CSNK1A1: variants seen among roughly 807,000 people sequenced by gnomAD.
CSNK1A1 encodes the protein casein kinase I isoform alpha.
In CSNK1A1, 7 loss-of-function variants were observed where a neutral mutation model predicts 46.1. That is an observed-to-expected ratio of 0.15 (90% CI 0.09 to 0.29). The LOEUF (loss-of-function observed/expected upper bound fraction) is 0.29. Ranked by LOEUF, CSNK1A1 falls within the 10% of genes least tolerant of loss-of-function variation. CSNK1A1 has a pLI of 1.00. For missense variants in CSNK1A1, 96 were observed against 417.1 expected, an observed-to-expected ratio of 0.23 and a Z score of 6.71; for synonymous variants, 137 against 141.5, an observed-to-expected ratio of 0.97 and a Z score of 0.23.
At chr5:149,498,278 T>C (rs1003803035) in intron 9 of CSNK1A1, 9 of 985,250 alleles carry the variant, frequency 9.1e-6, no homozygotes, top group Non-Finnish European at 1.1e-5. Flanking sequence ...AGGTGCATAA[T>C]AGATCTTTGT....
chr5:149,543,452 C>T (rs1299394926), intron 2 of CSNK1A1, among the ~76,000 whole-genome samples: 1 of 151,844 alleles, frequency 6.6e-6, no homozygotes, highest in Admixed American at 6.6e-5. Context: ...AGTTAAAAAG[C>T]ACATTTCTCG....
chr5:149,529,376 G>A (rs547158914), intron 2 of CSNK1A1, among the ~76,000 whole-genome samples: 1 of 152,174 alleles, frequency 6.6e-6, no homozygotes, highest in South Asian at 2.1e-4. Flanking sequence ...TCCTCTAAAC[G>A]CATATCCAAA....
intron 2 of CSNK1A1, among the ~76,000 whole-genome samples, chr5:149,538,699 G>C (rs896615834): frequency 1.3e-5 from 2 of 152,158 alleles, no homozygotes; most frequent in African/African-American, 2.4e-5. Flanking sequence ...AAGGCAGCTG[G>C]ATCACTTGAG....
rs1258998198 is a variant in CSNK1A1 at position 149,551,134 on chromosome 5, C to G, written c.-170G>C. 2 of 583,452 alleles carry G rather than the reference C, an allele frequency of 3.4e-6. No homozygotes were observed. The highest frequency in any genetic ancestry group is 3.8e-5 in the African/African-American group (2 of 52,300). 36.1% of individuals were successfully genotyped at this position (583,452 alleles called of 1,614,324 possible). On this transcript the variant is annotated 5_prime_UTR_variant, in exon 1 of 10. Coordinates refer to ENST00000377843, the MANE Select transcript of CSNK1A1 (RefSeq NM_001892.6). The stretch of plus-strand genomic sequence containing the variant: ...CAGAATCAGCAGAGGGGAACCTGAT[C>G]ACCGCCGCTCAGTCAGGTTTCTTTT...
intron 8 of CSNK1A1, among the ~76,000 whole-genome samples, chr5:149,505,845 T>C (rs998609796): frequency 3.9e-5 from 6 of 152,062 alleles, no homozygotes; most frequent in Non-Finnish European, 7.4e-5. Context: ...TAAGAGTAAA[T>C]ATTCAACTGG....
At chr5:149,523,145 A>C (rs1761624839) in intron 3 of CSNK1A1, among the ~76,000 whole-genome samples, 1 of 150,176 alleles carries the variant, frequency 6.7e-6, no homozygotes, top group Non-Finnish European at 1.5e-5. Context: ...GGTTCATGTG[A>C]TTCTCATGCC....
At chr5:149,542,649 T>C (rs1580861916) in intron 2 of CSNK1A1, among the ~76,000 whole-genome samples, 1 of 7,488 alleles carries the variant, frequency 1.3e-4, no homozygotes, top group Non-Finnish European at 2.1e-4. Context: ...TGTATATATA[T>C]ATATATATAT....
intron 4 of CSNK1A1, among the ~76,000 whole-genome samples, chr5:149,515,237 T>C (rs1761363675): frequency 6.6e-6 from 1 of 152,228 alleles, no homozygotes; most frequent in Non-Finnish European, 1.5e-5. Context: ...ATTGCTTCCT[T>C]TGGTACTTTA....
At chr5:149,532,432 C>G (rs1761932198) in intron 2 of CSNK1A1, among the ~76,000 whole-genome samples, 1 of 151,698 alleles carries the variant, frequency 6.6e-6, no homozygotes, top group Admixed American at 6.6e-5. Flanking sequence ...GTGGCTCACA[C>G]CTGCAATTCT....
Position 149,542,620 on chromosome 5 carries a change from A to ATG in CSNK1A1, c.230+7454_230+7455insCA, listed in dbSNP as rs1762292751. Among the ~76,000 whole-genome samples, 4 of 12,856 alleles carry ATG rather than the reference A, an allele frequency of 3.1e-4. No homozygotes were observed. In the East Asian group the frequency reaches 0.017, roughly 56 times the overall value. 8.4% of individuals were successfully genotyped at this position (12,856 alleles called of 152,430 possible). A position where few individuals can be genotyped will look rare whatever the true frequency, so the allele number is the denominator to read the frequency against. On this transcript the variant is annotated intron_variant, in intron 2 of 9. Coordinates refer to ENST00000377843, the MANE Select transcript of CSNK1A1 (RefSeq NM_001892.6). ...TATATATATATATATATATATATAT[A>ATG]TATATATATATATATATATGTATAT... is the stretch of plus-strand genomic sequence containing the variant.
At position 149,550,827 on chromosome 5, in the gene CSNK1A1, AC is replaced by A; in HGVS notation, c.123+14del. The A allele has an allele frequency of 6.2e-7, 1 of 1,613,736 alleles. No homozygotes were observed. On this transcript the variant is annotated intron_variant, in intron 1 of 9. Coordinates refer to ENST00000377843, the MANE Select transcript of CSNK1A1 (RefSeq NM_001892.6). This position sits in a 1 kb window ranked among gnomAD's most constrained non-coding sequence, Gnocchi z 4.3. Reference sequence around the variant, plus strand: ...AAAGCGCAGCGTTATCGTGAACCCCACCCCAGATGATTACCTCGCCGTTGGT... The same window carrying A: ...AAAGCGCAGCGTTATCGTGAACCCCACCCAGATGATTACCTCGCCGTTGGT...
At chr5:149,531,457 G>T (rs1254209789) in intron 2 of CSNK1A1, among the ~76,000 whole-genome samples, 2 of 152,010 alleles carry the variant, frequency 1.3e-5, no homozygotes, top group African/African-American at 4.8e-5. Context: ...GGCCGAGGTT[G>T]CAGTGAGCCG....
chr5:149,537,213 T>C (rs565879783), intron 2 of CSNK1A1, among the ~76,000 whole-genome samples: 2 of 151,928 alleles, frequency 1.3e-5, no homozygotes, highest in Non-Finnish European at 2.9e-5. Context: ...CCATCTCTAC[T>C]AAAAATACAA....
chr5:149,519,494 G>A (rs956742304), intron 4 of CSNK1A1, among the ~76,000 whole-genome samples: 4 of 152,022 alleles, frequency 2.6e-5, no homozygotes, highest in African/African-American at 7.2e-5. Context: ...ACATAGTATC[G>A]ATAAAGAAAG....
At chr5:149,534,600 T>A (rs17710546) in intron 2 of CSNK1A1, among the ~76,000 whole-genome samples, 20,344 of 151,792 alleles carry the variant, frequency 0.13, 1,494 homozygotes, top group Non-Finnish European at 0.17. Flanking sequence ...CTAGTTCCAG[T>A]TACCCCTCTA....
intron 2 of CSNK1A1, among the ~76,000 whole-genome samples, chr5:149,542,340 A>G (rs1229981745): frequency 5.9e-5 from 9 of 151,900 alleles, no homozygotes; most frequent in Admixed American, 1.3e-4. Context: ...GGTGAGTTGT[A>G]TAATTATTTC....
chr5:149,532,780 A>C (rs1319678084), intron 2 of CSNK1A1, among the ~76,000 whole-genome samples: 1 of 152,188 alleles, frequency 6.6e-6, no homozygotes, highest in Non-Finnish European at 1.5e-5. Flanking sequence ...AAAATCAAAA[A>C]GAAATACTAG....
At chr5:149,545,349 G>A in intron 2 of CSNK1A1, 1 of 394,984 alleles carries the variant, frequency 2.5e-6, no homozygotes, top group East Asian at 4.6e-5. Context: ...GGTTGCATCA[G>A]TCCTTCTGTC....
At chr5:149,543,858 G>GCCA (rs1762380532) in intron 2 of CSNK1A1, among the ~76,000 whole-genome samples, 1 of 151,880 alleles carries the variant, frequency 6.6e-6, no homozygotes, top group Non-Finnish European at 1.5e-5. Context: ...CTTCTGAATA[G>GCCA]CCACTGCACT....
Sources: gnomAD v4.1 joint callset for allele counts (sites outside exome capture counted in the v4.1 genomes callset) on GRCh38, gnomAD v4.1.1 for gene constraint, Gnocchi (gnomAD v3.1) non-coding constraint, MANE v1.5 for transcripts, NCBI Gene and HGNC (gene_info 2026-07-23, HGNC 2026-07-21) for gene names.